Variants in TLK2 observed in about 807,000 individuals in gnomAD.
TLK2 encodes the protein tousled like kinase 2.
TLK2 carries 6 observed loss-of-function variants against 117.3 expected under a neutral mutation model. That is an observed-to-expected ratio of 0.05 (90% CI 0.03 to 0.10). TLK2 has a LOEUF of 0.10. Ranked by LOEUF, TLK2 falls within the 10% of genes least tolerant of loss-of-function variation. The pLI is 1.00. For synonymous variants in TLK2, 257 were observed against 316.7 expected (o/e 0.81, Z 2.00); for missense variants, 299 against 901.2 (o/e 0.33, Z 8.56).
At chr17:62,591,943 T>A (rs1226746742) in intron 16 of TLK2, among the ~76,000 whole-genome samples, 1 of 152,066 alleles carries the variant, frequency 6.6e-6, no homozygotes, top group African/African-American at 2.4e-5. Flanking sequence ...AAATAAGAAC[T>A]ACATTCTTTC....
intron 9 of TLK2, among the ~76,000 whole-genome samples, chr17:62,557,258 C>T (rs1447233806): frequency 6.6e-6 from 1 of 152,018 alleles, no homozygotes; most frequent in Non-Finnish European, 1.5e-5. Flanking sequence ...CTGCTTTTTT[C>T]CCTCATCTAA....
intron 20 of TLK2, 149 bp from the exon 21 acceptor site, chr17:62,607,892 T>A: frequency 1.6e-6 from 1 of 638,198 alleles, no homozygotes; most frequent in East Asian, 2.8e-5. Context: ...ATCTATAAAG[T>A]GAGAGAACTA....
At chr17:62,531,453 T>C (rs1463876783) in intron 6 of TLK2, among the ~76,000 whole-genome samples, 5 of 152,256 alleles carry the variant, frequency 3.3e-5, no homozygotes, top group Non-Finnish European at 7.3e-5. Context: ...TTTTAAAATA[T>C]GGTAGACACA....
At chr17:62,491,112 C>A (rs2073067651) in intron 2 of TLK2, among the ~76,000 whole-genome samples, 1 of 152,098 alleles carries the variant, frequency 6.6e-6, no homozygotes, top group Non-Finnish European at 1.5e-5. Flanking sequence ...TATTTCATTG[C>A]TTTGCAGTCA....
intron 2 of TLK2, among the ~76,000 whole-genome samples, chr17:62,500,410 C>A (rs8076762): frequency 2.0e-5 from 3 of 151,964 alleles, no homozygotes; most frequent in Non-Finnish European, 4.4e-5. Flanking sequence ...TGATTCATCA[C>A]GAAAGAAGGA....
At chr17:62,593,711 G>C (rs988532858) in intron 16 of TLK2, among the ~76,000 whole-genome samples, 1 of 151,132 alleles carries the variant, frequency 6.6e-6, no homozygotes, top group Non-Finnish European at 1.5e-5. Flanking sequence ...CCTTTTCCTG[G>C]GATACCCTCC....
At chr17:62,553,573 C>A in intron 8 of TLK2, 90 bp from the exon 9 acceptor site, 2 of 888,436 alleles carry the variant, frequency 2.3e-6, no homozygotes, top group South Asian at 1.5e-5. Context: ...GTGCTTTTTC[C>A]CACCCCCCCG....
In TLK2 at chr17:62,487,218, G is replaced by C. The variant is rs145812938; in HGVS notation, c.81+6012G>C. ...AAGGCGGGAGAATCACTTGAACCAG[G>C]GAGTCGGAGGTTGCAGTTAGCCGAG... On this transcript the variant is annotated intron_variant, in intron 2 of 21. Transcript: ENST00000346027. 9.5e-4 allele frequency among the ~76,000 whole-genome samples: 145 copies of C among 152,076 alleles called. No individual in the cohort carries two copies. The Middle Eastern group carries it at 0.01, about 11-fold the overall frequency.
intron 10 of TLK2, among the ~76,000 whole-genome samples, chr17:62,562,282 C>T (rs757126587): frequency 2.6e-5 from 4 of 152,142 alleles, no homozygotes; most frequent in Non-Finnish European, 5.9e-5. Context: ...ATCACTTGAA[C>T]CTGGGAGGCG....
At chr17:62,601,342 T>C (rs1328416533) in intron 18 of TLK2, among the ~76,000 whole-genome samples, 2 of 152,314 alleles carry the variant, frequency 1.3e-5, no homozygotes, top group East Asian at 3.9e-4. Context: ...TCAGCTGTGT[T>C]TTAGAAATCT....
At chr17:62,476,506 C>T (rs1567748205), upstream of TLK2, among the ~76,000 whole-genome samples, 1 of 151,772 alleles carries the variant, frequency 6.6e-6, no homozygotes, top group African/African-American at 2.4e-5. Context: ...TCGCATGAAC[C>T]CAGGAGAAAG....
At chr17:62,563,363 G>A (rs2079454059) in intron 10 of TLK2, among the ~76,000 whole-genome samples, 1 of 152,156 alleles carries the variant, frequency 6.6e-6, no homozygotes, top group Admixed American at 6.5e-5. Context: ...AGGATCATTG[G>A]AGCCAGGAGT....
chr17:62,518,883 CTG>C (rs1304773066), intron 2 of TLK2, among the ~76,000 whole-genome samples: 1 of 151,950 alleles, frequency 6.6e-6, no homozygotes, highest in East Asian at 1.9e-4. Flanking sequence ...TTACTCATAA[CTG>C]TTTTGTTTTG....
intron 2 of TLK2, among the ~76,000 whole-genome samples, chr17:62,496,693 C>T (rs555486985): frequency 7.9e-5 from 12 of 152,068 alleles, no homozygotes; most frequent in Non-Finnish European, 1.2e-4. Context: ...CGGTGTCTCA[C>T]GCCTGTAATC....
At chr17:62,547,230 T>C (rs2078015219) in intron 7 of TLK2, among the ~76,000 whole-genome samples, 1 of 152,154 alleles carries the variant, frequency 6.6e-6, no homozygotes, top group Non-Finnish European at 1.5e-5. Context: ...TATGATTAGG[T>C]ATTGTTTTTT....
intron 2 of TLK2, among the ~76,000 whole-genome samples, chr17:62,506,101 A>T (rs2074666246): frequency 6.6e-6 from 1 of 152,202 alleles, no homozygotes; most frequent in Admixed American, 6.5e-5. Context: ...AGTAACAGTT[A>T]TCTAGCTGAG....
At chr17:62,541,263 TC>T (rs1443976739) in intron 7 of TLK2, among the ~76,000 whole-genome samples, 2 of 152,092 alleles carry the variant, frequency 1.3e-5, no homozygotes, top group African/African-American at 4.8e-5. Flanking sequence ...TTGTCTGACT[TC>T]CCCCCACTGG....
chr17:62,570,069 C>T (rs540125559), intron 11 of TLK2, among the ~76,000 whole-genome samples: 4 of 152,182 alleles, frequency 2.6e-5, no homozygotes, highest in Non-Finnish European at 5.9e-5. Context: ...TGTGTCTTCT[C>T]TTCTCATAAG....
intron 7 of TLK2, among the ~76,000 whole-genome samples, chr17:62,543,361 A>G (rs750105349): frequency 4.7e-4 from 71 of 152,160 alleles, no homozygotes; most frequent in Non-Finnish European, 3.8e-4. Context: ...TTTCTTTTGG[A>G]TATATGCTGG....
Sources: allele counts gnomAD v4.1 joint callset (sites outside exome capture counted in the v4.1 genomes callset), GRCh38; gene constraint gnomAD v4.1.1; transcripts MANE v1.5; gene names NCBI Gene and HGNC (gene_info 2026-07-23, HGNC 2026-07-21).